The following LUZP2 variants were observed in gnomAD, a reference collection of about 807,000 sequenced individuals.
LUZP2 encodes leucine zipper protein 2.
LUZP2 carries 52 observed loss-of-function variants against 51.6 expected under a neutral mutation model. The ratio of observed to expected loss-of-function variants is 1.01; its 90% CI spans 0.81 to 1.27. The LOEUF is 1.27. LUZP2 is among the 50% of genes most tolerant of loss of function. The pLI, the probability that LUZP2 is intolerant of heterozygous loss-of-function variation, is 0.00. For synonymous variants in LUZP2, 154 were observed against 137.3 expected, an observed-to-expected ratio of 1.12 and a Z score of -0.85; for missense variants, 436 against 395.4, an observed-to-expected ratio of 1.10 and a Z score of -0.87.
At chr11:24,771,127 T>A (rs1260808735) in intron 5 of LUZP2, among the ~76,000 whole-genome samples, 1 of 152,186 alleles carries the variant, frequency 6.6e-6, no homozygotes, top group African/African-American at 2.4e-5. Context: ...TTTATTTGTC[T>A]GCTTTAATTT....
chr11:24,929,619 C>T (rs1046565190), intron 7 of LUZP2, among the ~76,000 whole-genome samples: 4 of 151,920 alleles, frequency 2.6e-5, no homozygotes, highest in Non-Finnish European at 5.9e-5. Flanking sequence ...AATTGACTGA[C>T]ACTTGTTTTG....
rs1396538185 is a variant in LUZP2, at chr11:24,738,666, A to T, written c.333+364A>T. On this transcript the variant is annotated intron_variant, in intron 4 of 11. Transcript: ENST00000336930. Reference sequence around the variant, plus strand: ...GATAGTTAAGTCGCACCCCACATCCACTGAATAAGGATCTCTCAGGAGCAG... The same window carrying T: ...GATAGTTAAGTCGCACCCCACATCCTCTGAATAAGGATCTCTCAGGAGCAG... Among the ~76,000 whole-genome samples the T allele has an allele frequency of 4.6e-5, 7 of 152,194 alleles. No homozygotes were observed. In the East Asian group the frequency reaches 1.4e-3, roughly 30 times the overall value.
intron 1 of LUZP2, among the ~76,000 whole-genome samples, chr11:24,600,864 A>T (rs909614849): frequency 6.6e-6 from 1 of 152,150 alleles, no homozygotes; most frequent in Non-Finnish European, 1.5e-5. Flanking sequence ...AACAAAAAGT[A>T]AAATTACTGT....
chr11:24,574,267 T>C (rs371076698), intron 1 of LUZP2, among the ~76,000 whole-genome samples: 50,843 of 130,570 alleles, frequency 0.39, 11,133 homozygotes, highest in Middle Eastern at 0.51. Context: ...TTTCTTGCTT[T>C]CTTTCTTTCT....
At chr11:24,998,433 G>C (rs568749157) in intron 9 of LUZP2, among the ~76,000 whole-genome samples, 14 of 152,228 alleles carry the variant, frequency 9.2e-5, no homozygotes, top group Middle Eastern at 3.4e-3. Context: ...TCTGTTATTG[G>C]TGTATAAGAA....
intron 1 of LUZP2, among the ~76,000 whole-genome samples, chr11:24,634,907 T>A (rs2133933890): frequency 1.3e-5 from 2 of 152,268 alleles, no homozygotes; most frequent in South Asian, 2.1e-4. Flanking sequence ...GCATGGATGA[T>A]CTGTACTGGA....
intron 1 of LUZP2, among the ~76,000 whole-genome samples, chr11:24,602,171 T>TATATGTGTGTATATATGTATATATGTAC (rs1565020601): frequency 5.3e-5 from 4 of 74,930 alleles, no homozygotes; most frequent in African/African-American, 2.5e-4. Context: ...TATATGTGTA[T>TATATGTGTGTATATATGTATATATGTAC]ATATATGTGT....
chr11:24,741,643 A>AT (rs1225790801), intron 4 of LUZP2, among the ~76,000 whole-genome samples: 1 of 151,126 alleles, frequency 6.6e-6, no homozygotes, highest in Non-Finnish European at 1.5e-5. Context: ...TAGCTCCCAC[A>AT]TATCAGTGAG....
chr11:24,795,403 G>A (rs1271290112), intron 5 of LUZP2, among the ~76,000 whole-genome samples: 2 of 152,046 alleles, frequency 1.3e-5, no homozygotes, highest in Non-Finnish European at 2.9e-5. Context: ...CATTAAAACA[G>A]TATGAGAAAT....
At chr11:24,643,919 C>T (rs185140449) in intron 1 of LUZP2, among the ~76,000 whole-genome samples, 1 of 152,260 alleles carries the variant, frequency 6.6e-6, no homozygotes, top group African/African-American at 2.4e-5. Flanking sequence ...TTCCTTTATT[C>T]GTAATGTAAT....
chr11:24,743,495 G>A (rs985052323), intron 4 of LUZP2, among the ~76,000 whole-genome samples: 4 of 151,984 alleles, frequency 2.6e-5, no homozygotes, highest in African/African-American at 7.2e-5. Context: ...CCACTTGGTC[G>A]CTGTTGGTGT....
At chr11:25,045,866 T>C (rs564477630) in intron 9 of LUZP2, among the ~76,000 whole-genome samples, 10 of 152,224 alleles carry the variant, frequency 6.6e-5, no homozygotes, top group African/African-American at 2.4e-4. Flanking sequence ...ATGCAAAAAA[T>C]ACTGATCTTT....
intron 10 of LUZP2, among the ~76,000 whole-genome samples, chr11:25,058,392 G>C (rs923975500): frequency 6.6e-6 from 1 of 152,086 alleles, no homozygotes; most frequent in Non-Finnish European, 1.5e-5. Context: ...AAATAACCCA[G>C]TAACCGTGTT....
intron 1 of LUZP2, among the ~76,000 whole-genome samples, chr11:24,574,845 T>C (rs75836751): frequency 0.032 from 4,839 of 152,220 alleles, 102 homozygotes; most frequent in Non-Finnish European, 0.045. Flanking sequence ...ATTGACTAGA[T>C]ACTGATAGAA....
chr11:24,931,683 T>G (rs1006243006), intron 7 of LUZP2, among the ~76,000 whole-genome samples: 1 of 152,220 alleles, frequency 6.6e-6, no homozygotes, highest in Non-Finnish European at 1.5e-5. Context: ...TTCACCTCTC[T>G]GGTACTTCCT....
intron 5 of LUZP2, among the ~76,000 whole-genome samples, chr11:24,797,295 G>C (rs1036884864): frequency 5.9e-5 from 9 of 152,128 alleles, no homozygotes; most frequent in African/African-American, 1.9e-4. Flanking sequence ...AATTAGGTTT[G>C]ATAATCCAAG....
At chr11:24,817,687 T>G (rs955724022) in intron 5 of LUZP2, among the ~76,000 whole-genome samples, 1 of 152,064 alleles carries the variant, frequency 6.6e-6, no homozygotes, top group Non-Finnish European at 1.5e-5. Context: ...ATTGGTATTT[T>G]TTTCTAATCT....
At chr11:24,765,957 C>T (rs568943935) in intron 5 of LUZP2, among the ~76,000 whole-genome samples, 5 of 152,190 alleles carry the variant, frequency 3.3e-5, no homozygotes, top group Admixed American at 6.5e-5. Context: ...GAAGGGGTTT[C>T]TCTATGTTGC....
At chr11:24,974,649 G>T (rs1246406687) in intron 7 of LUZP2, among the ~76,000 whole-genome samples, 1 of 151,996 alleles carries the variant, frequency 6.6e-6, no homozygotes, top group African/African-American at 2.4e-5. Flanking sequence ...TTTCACAAGA[G>T]AAGCAAATTA....
Sources: allele counts gnomAD v4.1 joint callset (sites outside exome capture counted in the v4.1 genomes callset), GRCh38; gene constraint gnomAD v4.1.1; transcripts MANE v1.5; gene names NCBI Gene and HGNC (gene_info 2026-07-23, HGNC 2026-07-21).